ZHX2: variants seen among roughly 807,000 people sequenced by gnomAD.
The protein encoded by ZHX2 is zinc fingers and homeoboxes 2, also known as zinc fingers and homeoboxes protein 2.
ZHX2 carries 6 observed loss-of-function variants against 21.9 expected under a neutral mutation model. That is an observed-to-expected ratio of 0.27 (90% CI 0.15 to 0.54). The LOEUF is 0.54. Among genes scored for constraint, ZHX2 ranks in the 20% least tolerant of loss-of-function variants. The pLI is 0.95. For missense variants in ZHX2, 908 were observed against 1,090.7 expected (o/e 0.83, Z 2.36); for synonymous variants, 434 against 437.1 (o/e 0.99, Z 0.09).
At chr8:122,810,608 C>G (rs2130604604) in intron 1 of ZHX2, 1 of 152,222 alleles carries the variant, frequency 6.6e-6, no homozygotes, top group South Asian at 2.1e-4. Flanking sequence ...CTGGAAGGGC[C>G]AGCAGTGAGG....
chr8:122,894,027 G>T (rs923646803), intron 2 of ZHX2, among the ~76,000 whole-genome samples: 4 of 152,236 alleles, frequency 2.6e-5, no homozygotes, highest in Admixed American at 1.3e-4. Flanking sequence ...TTTGGCTTTG[G>T]TGGTAGGTGG....
At chr8:122,921,880 A>T (rs992091311) in intron 2 of ZHX2, among the ~76,000 whole-genome samples, 2 of 152,198 alleles carry the variant, frequency 1.3e-5, no homozygotes, top group African/African-American at 2.4e-5. Flanking sequence ...GTTAACCCAA[A>T]CTGTTAAAAA....
chr8:122,886,814 G>C (rs1819851675), intron 2 of ZHX2, among the ~76,000 whole-genome samples: 1 of 152,204 alleles, frequency 6.6e-6, no homozygotes. Flanking sequence ...AGGAACAGCT[G>C]TTCCCTAATG....
At chr8:122,931,294 G>T (rs577027427) in intron 2 of ZHX2, among the ~76,000 whole-genome samples, 35 of 152,274 alleles carry the variant, frequency 2.3e-4, no homozygotes, top group African/African-American at 6.7e-4. Context: ...GCGTGAGAAG[G>T]GCCAGAGTTT....
chr8:122,843,538 C>T (rs1190050815), intron 1 of ZHX2, among the ~76,000 whole-genome samples: 1 of 152,206 alleles, frequency 6.6e-6, no homozygotes, highest in Admixed American at 6.5e-5. Flanking sequence ...CTGCTGAGTG[C>T]TCACTTTTAA....
At chr8:122,813,073 G>A (rs534422479) in intron 1 of ZHX2, among the ~76,000 whole-genome samples, 2 of 152,134 alleles carry the variant, frequency 1.3e-5, no homozygotes, top group South Asian at 4.1e-4. Flanking sequence ...GCACATGCCT[G>A]TAATTCCAGC....
chr8:122,957,326 C>G (rs1398353254), intron 3 of ZHX2, among the ~76,000 whole-genome samples: 1 of 151,020 alleles, frequency 6.6e-6, no homozygotes, highest in Non-Finnish European at 1.5e-5. Context: ...ATGCAGGAAC[C>G]CCACTTTATG....
At chr8:122,945,436 CAAAAAAAAAAAAAA>C (rs60890533) in intron 2 of ZHX2, among the ~76,000 whole-genome samples, 1 of 73,678 alleles carries the variant, frequency 1.4e-5, no homozygotes, top group African/African-American at 6.3e-5. Flanking sequence ...CCTGTCTCTG[CAAAAAAAAAAAAAA>C]AAAAAAAAAA....
At chr8:122,875,129 TTATATATA>T (rs71310631) in intron 2 of ZHX2, among the ~76,000 whole-genome samples, 10 of 10,220 alleles carry the variant, frequency 9.8e-4, no homozygotes, top group Non-Finnish European at 1.7e-3. Flanking sequence ...GAAAACTCTG[TTATATATA>T]TATATATATA....
At chr8:122,850,363 C>T (rs377040279) in intron 1 of ZHX2, among the ~76,000 whole-genome samples, 14 of 152,206 alleles carry the variant, frequency 9.2e-5, no homozygotes, top group South Asian at 6.2e-4. Context: ...ACCGGCCGGG[C>T]GCAGTGGCTC....
At chr8:122,895,902 A>G (rs1820088384) in intron 2 of ZHX2, among the ~76,000 whole-genome samples, 2 of 152,222 alleles carry the variant, frequency 1.3e-5, no homozygotes, top group African/African-American at 4.8e-5. Context: ...AGCTTTATTA[A>G]GAGTTTCAAT....
intron 3 of ZHX2, among the ~76,000 whole-genome samples, chr8:122,962,915 C>T (rs1198760154): frequency 1.3e-5 from 2 of 151,738 alleles, no homozygotes; most frequent in Non-Finnish European, 2.9e-5. Context: ...TTTGGCCATT[C>T]ATATATCTTC....
chr8:122,935,613 G>A (rs970601282), intron 2 of ZHX2, among the ~76,000 whole-genome samples: 1 of 148,556 alleles, frequency 6.7e-6, no homozygotes, highest in Non-Finnish European at 1.5e-5. Context: ...TCGGCTCACT[G>A]CAAGCTCCGC....
chr8:122,943,031 G>A (rs1224735969), intron 2 of ZHX2, among the ~76,000 whole-genome samples: 1 of 152,132 alleles, frequency 6.6e-6, no homozygotes, highest in Non-Finnish European at 1.5e-5. Flanking sequence ...GGAGGCTGAG[G>A]TGGGTGGATC....
At chr8:122,855,773 A>G (rs911624529) in intron 1 of ZHX2, among the ~76,000 whole-genome samples, 3 of 152,202 alleles carry the variant, frequency 2.0e-5, no homozygotes, top group Non-Finnish European at 4.4e-5. Context: ...AGGGTTTGAA[A>G]CAAGATAGAA....
intron 1 of ZHX2, among the ~76,000 whole-genome samples, chr8:122,841,942 A>G (rs1315877262): frequency 1.3e-5 from 2 of 152,178 alleles, no homozygotes; most frequent in Non-Finnish European, 2.9e-5. Context: ...GAAGACTCCA[A>G]GTCCTCCCTA....
intron 2 of ZHX2, among the ~76,000 whole-genome samples, chr8:122,913,003 C>T (rs1425055828): frequency 1.3e-5 from 2 of 152,106 alleles, no homozygotes; most frequent in African/African-American, 4.8e-5. Flanking sequence ...CAAAAAGAAA[C>T]CCTATACCCA....
intron 2 of ZHX2, among the ~76,000 whole-genome samples, chr8:122,937,933 G>GTTTTGTTTTT (rs1812744680): frequency 1.4e-5 from 1 of 73,352 alleles, no homozygotes; most frequent in South Asian, 6.1e-4. Context: ...TTTCTTTTTG[G>GTTTTGTTTTT]TTTTTTTTTT....
At chr8:122,921,201 C>T (rs1820729805) in intron 2 of ZHX2, among the ~76,000 whole-genome samples, 1 of 152,170 alleles carries the variant, frequency 6.6e-6, no homozygotes, top group Admixed American at 6.5e-5. Flanking sequence ...CCTGCCTCAG[C>T]CTCCTGAGTA....
Sources: allele counts gnomAD v4.1 joint callset (sites outside exome capture counted in the v4.1 genomes callset), GRCh38; gene constraint gnomAD v4.1.1; transcripts MANE v1.5; gene names NCBI Gene and HGNC (gene_info 2026-07-23, HGNC 2026-07-21).